The following ADCY10 variants were observed in gnomAD, a reference collection of about 807,000 sequenced individuals.
The protein encoded by ADCY10 is adenylate cyclase 10, also known as adenylate cyclase type 10.
A neutral mutation model predicts 183.3 loss-of-function variants in ADCY10; 156 were observed. The ratio of observed to expected loss-of-function variants is 0.85; its 90% CI spans 0.75 to 0.97. ADCY10 has a LOEUF of 0.97. ADCY10 is among the 50% of genes least tolerant of loss of function. The probability of loss-of-function intolerance (pLI) is 0.00; values close to 1 mark genes in which losing one functional copy is unlikely to be tolerated. For missense variants in ADCY10, 1,745 were observed against 1,934.3 expected (o/e 0.90, Z 1.84); for synonymous variants, 645 against 670.0 (o/e 0.96, Z 0.58).
chr1:167,818,187 G>T lies in ADCY10; in HGVS notation c.4367C>A (p.Thr1456Lys), dbSNP rs199633274. 1 of 1,614,162 alleles carries T rather than the reference G, an allele frequency of 6.2e-7. No homozygotes were observed. Among genetic ancestry groups the T allele is most frequent in the African/African-American group, 1.3e-5 (1 of 75,048 alleles). Residue 1456 changes from threonine to lysine, a missense_variant, in exon 31 of 33, where the codon ACA (threonine) becomes AAA (lysine). By Grantham distance (78) the Thr-to-Lys change is moderately conservative. Transcript: ENST00000367851. ...AGATATTCCGTCATAGTAAGTAAGT[G>T]TCATGGTTCTTCTTGGCAAAAGATT... is the stretch of plus-strand genomic sequence containing the variant. ...AKNLLPRRTMTLTYYDGISRY... is the reference protein window; with the variant it reads ...AKNLLPRRTMKLTYYDGISRY...
chr1:167,906,719 G>T (rs1170150813), intron 1 of ADCY10, among the ~76,000 whole-genome samples: 2 of 152,024 alleles, frequency 1.3e-5, no homozygotes, highest in African/African-American at 4.8e-5. Context: ...AGCCCAGGAG[G>T]TCAAGGCTGC....
Position 167,810,919 on chromosome 1 carries a change from GAAAA to G in ADCY10, c.4483-10_4483-7del. The G allele has an allele frequency of 6.2e-7, 1 of 1,612,366 alleles. No homozygotes were observed. The highest frequency in any genetic ancestry group is 8.5e-7 in the Non-Finnish European group (1 of 1,179,314). On this transcript the variant is annotated splice_region_variant and splice_polypyrimidine_tract_variant and intron_variant, in intron 31 of 32. Coordinates refer to ENST00000367851, the MANE Select transcript of ADCY10 (RefSeq NM_018417.6). Reference sequence around the variant, plus strand: ...GCCACCAGATTCTCCAAGTTCTAAAGAAAAAAAACCCACAACAGTATATTAGAAT... The same window carrying G: ...GCCACCAGATTCTCCAAGTTCTAAAGAAAACCCACAACAGTATATTAGAAT...
At position 167,830,295 on chromosome 1, in the gene ADCY10, G is replaced by GT. The variant is rs200280639; in HGVS notation, c.3594-873dup. 5.4e-3 allele frequency among the ~76,000 whole-genome samples: 744 copies of GT among 136,922 alleles called. 10 individuals are homozygous for GT. Among genetic ancestry groups the GT allele is most frequent in the African/African-American group, 0.019 (695 of 36,588 alleles). 89.8% of individuals were successfully genotyped at this position (136,922 alleles called of 152,430 possible). On this transcript the variant is annotated intron_variant, in intron 25 of 32. Coordinates refer to ENST00000367851, the MANE Select transcript of ADCY10 (RefSeq NM_018417.6). ...ACAGGGACTGTTTCTGTGGTTTTGT[G>GT]TTTTTTTTTCTTCTGGGCATGTCCT...
At chr1:167,907,390 C>T (rs1006766123) in intron 1 of ADCY10, among the ~76,000 whole-genome samples, 1 of 152,194 alleles carries the variant, frequency 6.6e-6, no homozygotes, top group Non-Finnish European at 1.5e-5. Context: ...CTACATGTCC[C>T]TTGTGGGTTG....
chr1:167,833,845 G>T, intron 24 of ADCY10, 125 bp downstream of exon 24: 1 of 760,140 alleles, frequency 1.3e-6, no homozygotes, highest in Non-Finnish European at 2.2e-6. Flanking sequence ...AGTTTCTAGA[G>T]TCTTGGCTAG....
chr1:167,834,585 G>T (rs3752608), intron 23 of ADCY10: 6,751 of 209,880 alleles, frequency 0.032, 190 homozygotes, highest in East Asian at 0.13. Context: ...CATCACTTCA[G>T]CTTCACCTCC....
intron 2 of ADCY10, chr1:167,904,739 G>C: frequency 1.6e-6 from 1 of 613,960 alleles, no homozygotes; most frequent in Non-Finnish European, 2.9e-6. Context: ...TTGGGGCAGA[G>C]ATACTGGAGC....
intron 8 of ADCY10, among the ~76,000 whole-genome samples, chr1:167,889,988 T>C (rs116566071): frequency 0.011 from 1,696 of 152,344 alleles, 30 homozygotes; most frequent in African/African-American, 0.037. Context: ...TTGAATTTCT[T>C]TGAGTTTCCT....
At chr1:167,854,130 G>GC (rs1297824388) in intron 18 of ADCY10, among the ~76,000 whole-genome samples, 1 of 152,064 alleles carries the variant, frequency 6.6e-6, no homozygotes, top group African/African-American at 2.4e-5. Flanking sequence ...GAGCCACCGC[G>GC]CCCGGCCATA....
intron 1 of ADCY10, among the ~76,000 whole-genome samples, chr1:167,910,147 G>T (rs1036723527): frequency 3.3e-5 from 5 of 152,116 alleles, no homozygotes; most frequent in Non-Finnish European, 7.4e-5. Context: ...CTTTAACCCG[G>T]GTGTCTAAGG....
chr1:167,820,278 C>G (rs1662812098), intron 30 of ADCY10: 2 of 1,390,338 alleles, frequency 1.4e-6, no homozygotes, highest in South Asian at 2.7e-5. Flanking sequence ...CTGCTGGCGC[C>G]GCAGCGCCGG....
At chr1:167,873,722 T>C (rs1325919254) in intron 13 of ADCY10, among the ~76,000 whole-genome samples, 1 of 152,054 alleles carries the variant, frequency 6.6e-6, no homozygotes, top group African/African-American at 2.4e-5. Context: ...TAGACTTAAA[T>C]ATAAAAGGTA....
chr1:167,874,985 G>A lies in ADCY10; in HGVS notation c.1462+146C>T, dbSNP rs192929012. 1.3e-4 allele frequency: 96 copies of A among 760,946 alleles called. No individual in the cohort carries two copies. The African/African-American group carries it at 1.5e-3, about 12-fold the overall frequency. 47.1% of individuals were successfully genotyped at this position (760,946 alleles called of 1,614,324 possible). ...AAGGAAAGAGTAATCCTGGTGTATT[G>A]CTATTTTTCTATTTCTTAACCTGGA... On this transcript the variant is annotated intron_variant, in intron 13 of 32. Transcript: ENST00000367851.
chr1:167,852,821 C>T (rs1244338518), intron 18 of ADCY10, among the ~76,000 whole-genome samples: 1 of 151,806 alleles, frequency 6.6e-6, no homozygotes, highest in East Asian at 1.9e-4. Flanking sequence ...TCTCAGACAA[C>T]CATCTGTCTC....
chr1:167,907,503 T>G (rs1468017932), intron 1 of ADCY10, among the ~76,000 whole-genome samples: 6 of 152,204 alleles, frequency 3.9e-5, no homozygotes, highest in African/African-American at 1.4e-4. Flanking sequence ...ATACTCATTC[T>G]ACTCCCAGAA....
At chr1:167,880,648 G>C in intron 9 of ADCY10, 39 bp from the exon 10 acceptor site, 1 of 1,490,962 alleles carries the variant, frequency 6.7e-7, no homozygotes, top group South Asian at 1.1e-5. Context: ...CTGATGGACA[G>C]TGTGCTTTAA....
intron 29 of ADCY10, 42 bp from the exon 30 acceptor site, chr1:167,822,183 G>A (rs755314315): frequency 8.0e-6 from 10 of 1,253,180 alleles, no homozygotes; most frequent in African/African-American, 1.5e-5. Flanking sequence ...AGTAGGTGTG[G>A]GTGATCATCT....
intron 6 of ADCY10, 124 bp from the exon 7 acceptor site, chr1:167,896,815 A>G: frequency 1.4e-6 from 1 of 699,590 alleles, no homozygotes; most frequent in Non-Finnish European, 2.5e-6. Context: ...CTTAAACACC[A>G]AGACTATTTG....
chr1:167,896,528 G>A (rs761510513), intron 7 of ADCY10, 67 bp downstream of exon 7: 50 of 1,263,104 alleles, frequency 4.0e-5, no homozygotes, highest in South Asian at 9.6e-5. Context: ...TGAAGCTGTC[G>A]GCATTGATAT....
Sources: allele counts gnomAD v4.1 joint callset (sites outside exome capture counted in the v4.1 genomes callset), GRCh38; gene constraint gnomAD v4.1.1; transcripts MANE v1.5; gene names NCBI Gene and HGNC (gene_info 2026-07-23, HGNC 2026-07-21).